Variants in ZNF799 observed in about 807,000 individuals in gnomAD.
ZNF799 encodes the protein zinc finger protein 14.
Under a neutral mutation model 41.0 loss-of-function variants are expected in ZNF799, and 28 were observed. The ratio of observed to expected loss-of-function variants is 0.68; its 90% CI spans 0.51 to 0.94. ZNF799 has a LOEUF of 0.94. Ranked by LOEUF, ZNF799 falls within the 40% of genes least tolerant of loss-of-function variation. The pLI is 0.00. For missense variants in ZNF799, 716 were observed against 764.3 expected (o/e 0.94, Z 0.74); for synonymous variants, 213 against 252.9 (o/e 0.84, Z 1.50).
At chr19:12,413,047 CAAAAAA>C in the ZNF799 span, among the ~76,000 whole-genome samples, 172 of 62,900 alleles carry the variant, frequency 2.7e-3, 4 homozygotes, top group Non-Finnish European at 1.4e-3. Flanking sequence ...ACTCCGTCTC[CAAAAAA>C]AAAAAAAAAA....
upstream of ZNF799, among the ~76,000 whole-genome samples, chr19:12,404,008 A>G (rs531637821): frequency 1.1e-4 from 17 of 152,144 alleles, no homozygotes; most frequent in Admixed American, 2.6e-4. Context: ...TCCACTGACC[A>G]ATTGGTCATT....
In ZNF799 at chr19:12,392,016, G is replaced by A. The variant is rs1162962172; in HGVS notation, c.382C>T (p.His128Tyr). 8.1e-6 allele frequency: 13 copies of A among 1,614,024 alleles called. No individual in the cohort carries two copies. Among genetic ancestry groups the A allele is most frequent in the Admixed American group, 1.7e-5 (1 of 59,990 alleles). The change falls in exon 4 of 4, where the codon CAC becomes TAC. Residue 128 changes from histidine to tyrosine, a missense_variant. Physicochemically the swap from His to Tyr is moderately conservative, Grantham distance 83 (BLOSUM62 2). Transcript: ENST00000430385. The stretch of plus-strand genomic sequence containing the variant: ...CATTCATGATACTCATATGGTTTGT[G>A]CCCAGCACCAACTCTGATGTAACAA... Reference protein sequence around the residue: ...LNCYIRVGAGHKPYEYHECGE... With the variant: ...LNCYIRVGAGYKPYEYHECGE...
At chr19:12,399,349 A>G (rs1436768017) in intron 1 of ZNF799, among the ~76,000 whole-genome samples, 5 of 151,976 alleles carry the variant, frequency 3.3e-5, no homozygotes, top group Non-Finnish European at 7.4e-5. Flanking sequence ...TAAGTCTGAG[A>G]GAGTCCAGAA....
chr19:12,390,573 T>C lies in ZNF799; in HGVS notation c.1825A>G (p.Thr609Ala). ...CCAGTGTGAGTTTTTTTCCAGTGAG[T>C]CTTTTTATGTCTATGCAAGGAACTG... is the stretch of plus-strand genomic sequence containing the variant. ...SLSSLHRHKK[T>A]HWKKTHTGEN... is the part of the protein sequence containing the mutation. The change falls in exon 4 of 4, where the codon ACT becomes GCT. Residue 609 changes from threonine (T) to alanine (A), a missense_variant. Transcript: ENST00000430385. 6.2e-7 allele frequency: 1 copy of C among 1,613,214 alleles called. No individual in the cohort carries two copies. The highest frequency in any genetic ancestry group is 8.5e-7 in the Non-Finnish European group (1 of 1,179,670).
At chr19:12,401,024 C>T in intron 1 of ZNF799, 44 bp downstream of exon 1, 2 of 1,613,928 alleles carry the variant, frequency 1.2e-6, no homozygotes, top group Non-Finnish European at 1.7e-6. Context: ...GCAGGTTCCA[C>T]CCAGCCCCTC....
chr19:12,394,367 G>A (rs1969866059), intron 1 of ZNF799: 1 of 158,570 alleles, frequency 6.3e-6, no homozygotes, highest in Admixed American at 6.5e-5. Context: ...AATTACCGAG[G>A]TTCAGTAATT....
At chr19:12,392,324 G>A (rs1234453891) in intron 3 of ZNF799, 118 bp from the exon 4 acceptor site, 11 of 1,437,642 alleles carry the variant, frequency 7.7e-6, no homozygotes, top group Non-Finnish European at 1.0e-5. Context: ...TTCGTGTCCT[G>A]CTTGAACGTG....
upstream of ZNF799, among the ~76,000 whole-genome samples, chr19:12,403,220 T>C (rs1448756124): frequency 6.6e-6 from 1 of 152,206 alleles, no homozygotes; most frequent in East Asian, 1.9e-4. Flanking sequence ...TATTGGCATA[T>C]AGTTGTTCTT....
chr19:12,395,604 A>G (rs1469505866), intron 1 of ZNF799, among the ~76,000 whole-genome samples: 1 of 152,258 alleles, frequency 6.6e-6, no homozygotes, highest in Non-Finnish European at 1.5e-5. Flanking sequence ...GGAGAAAAAG[A>G]GCTGAAGAGA....
chr19:12,393,349 C>G lies in ZNF799; in HGVS notation c.78G>C (p.Lys26Asn), dbSNP rs537271455. The G allele has an allele frequency of 9.2e-7, 1 of 1,083,628 alleles. No individual in the cohort carries two copies. The highest frequency in any genetic ancestry group is 1.4e-6 in the Non-Finnish European group (1 of 734,122). The allele number at this position is 1,083,628 out of a possible 1,614,324, so 67.1% of individuals were successfully genotyped here. A position where few individuals can be genotyped will look rare whatever the true frequency, so the allele number is the denominator to read the frequency against. ...CCTGCATCACATCTTTGTAGAGATT[C>G]TTCTGACAAGGACCCAGCAAAGCCC... ...EEWALLGPCQ[K>N]NLYKDVMQET... is the part of the protein sequence containing the mutation. The change falls in exon 2 of 4, where the codon AAG becomes AAC. Residue 26 changes from lysine to asparagine, a missense_variant. Transcript: ENST00000430385.
In ZNF799 at chr19:12,390,215, C is replaced by T. The variant is rs1969786462; in HGVS notation, c.*251G>A. 2 of 669,550 alleles carry T rather than the reference C, an allele frequency of 3.0e-6. No individual in the cohort carries two copies. Among genetic ancestry groups the T allele is most frequent in the Admixed American group, 3.0e-5 (1 of 33,474 alleles). The allele number at this position is 669,550 out of a possible 1,614,324, so 41.5% of individuals were successfully genotyped here. A position where few individuals can be genotyped will look rare whatever the true frequency, so the allele number is the denominator to read the frequency against. On this transcript the variant is annotated 3_prime_UTR_variant, in exon 4 of 4. Transcript: ENST00000430385. ...TAATCTAGACATAATTGAGAGTATA[C>T]AAGAGGATGTGGGTAAGTTACATAC...
At chr19:12,404,071 T>C (rs1970014830), upstream of ZNF799, among the ~76,000 whole-genome samples, 1 of 152,240 alleles carries the variant, frequency 6.6e-6, no homozygotes, top group Non-Finnish European at 1.5e-5. Flanking sequence ...AGAATTCCTC[T>C]TGTCATTGAT....
the ZNF799 span, among the ~76,000 whole-genome samples, chr19:12,410,673 T>C: frequency 6.6e-6 from 1 of 151,920 alleles, no homozygotes; most frequent in African/African-American, 2.4e-5. Context: ...AATCAAGAGC[T>C]AGTTCTTTAA....
chr19:12,401,003 A>T, intron 1 of ZNF799, 65 bp downstream of exon 1: 3 of 1,613,584 alleles, frequency 1.9e-6, no homozygotes, highest in Non-Finnish European at 2.5e-6. Context: ...GTCCAGCCAC[A>T]GCCGATTACT....
the ZNF799 span, among the ~76,000 whole-genome samples, chr19:12,407,612 TCTTTC>T: frequency 6.6e-6 from 1 of 152,034 alleles, no homozygotes; most frequent in Non-Finnish European, 1.5e-5. Context: ...ACAAGAAAAC[TCTTTC>T]CTTTTCTAGT....
At chr19:12,408,773 C>T in the ZNF799 span, among the ~76,000 whole-genome samples, 1 of 152,168 alleles carries the variant, frequency 6.6e-6, no homozygotes, top group Non-Finnish European at 1.5e-5. Context: ...GTGGCTCACG[C>T]CTGTCATCCC....
rs1326259484 is a variant in ZNF799 at position 12,401,192 on chromosome 19, A to G, written c.-122T>C. On this transcript the variant is annotated 5_prime_UTR_variant, in exon 1 of 4. Transcript: ENST00000430385. ...CTCTTAGCTACAGAGCCGAGCACCGAGCGCCCAGCGCAGGTGGGTGGAGAA... is the reference window on the plus strand; with the variant it reads ...CTCTTAGCTACAGAGCCGAGCACCGGGCGCCCAGCGCAGGTGGGTGGAGAA... The G allele has an allele frequency of 3.2e-6, 5 of 1,575,102 alleles. No individual in the cohort carries two copies. Among genetic ancestry groups the G allele is most frequent in the South Asian group, 2.3e-5 (2 of 87,036 alleles).
chr19:12,406,323 C>CAAA, the ZNF799 span, among the ~76,000 whole-genome samples: 2 of 139,410 alleles, frequency 1.4e-5, no homozygotes, highest in African/African-American at 5.3e-5. Context: ...ACTAAAAATA[C>CAAA]AAAAAAAAAA....
At chr19:12,409,088 G>C in the ZNF799 span, among the ~76,000 whole-genome samples, 1 of 151,798 alleles carries the variant, frequency 6.6e-6, no homozygotes. Context: ...TTGGCGCCAG[G>C]GACTGGTTTT....
Sources: allele counts gnomAD v4.1 joint callset (sites outside exome capture counted in the v4.1 genomes callset), GRCh38; gene constraint gnomAD v4.1.1; transcripts MANE v1.5; gene names NCBI Gene and HGNC (gene_info 2026-07-23, HGNC 2026-07-21).